The following CNOT4 variants were observed in gnomAD, a reference collection of about 807,000 sequenced individuals.
CNOT4 encodes the protein CCR4-NOT transcription complex subunit 4.
A neutral mutation model predicts 73.8 loss-of-function variants in CNOT4; 8 were observed. That is an observed-to-expected ratio of 0.11 (90% CI 0.06 to 0.20). The LOEUF is 0.20. Ranked by LOEUF, CNOT4 falls within the 10% of genes least tolerant of loss-of-function variation. The pLI is 1.00. For synonymous variants in CNOT4, 293 were observed against 321.1 expected, an observed-to-expected ratio of 0.91 and a Z score of 0.94; for missense variants, 564 against 883.4, an observed-to-expected ratio of 0.64 and a Z score of 4.58.
chr7:135,377,389 CTG>C (rs1795580600), intron 10 of CNOT4, among the ~76,000 whole-genome samples: 1 of 152,194 alleles, frequency 6.6e-6, no homozygotes, highest in Admixed American at 6.5e-5. Context: ...ATGGAGAACA[CTG>C]TGCATGTGAT....
At chr7:135,473,394 A>G (rs982590859) in intron 1 of CNOT4, among the ~76,000 whole-genome samples, 2 of 152,212 alleles carry the variant, frequency 1.3e-5, no homozygotes, top group African/African-American at 4.8e-5. Flanking sequence ...ACTAATAAAC[A>G]TGACAGTTTT....
At chr7:135,505,698 AATT>A (rs1425184467) in intron 1 of CNOT4, among the ~76,000 whole-genome samples, 1 of 152,180 alleles carries the variant, frequency 6.6e-6, no homozygotes, top group African/African-American at 2.4e-5. Flanking sequence ...AGTAGCTTAT[AATT>A]TCTCTTTTCT....
At chr7:135,457,351 G>A (rs1472488417) in intron 1 of CNOT4, among the ~76,000 whole-genome samples, 1 of 151,860 alleles carries the variant, frequency 6.6e-6, no homozygotes, top group African/African-American at 2.4e-5. Flanking sequence ...TGTTATTTGA[G>A]GTTTAATTTT....
At chr7:135,469,168 T>C (rs77421812) in intron 1 of CNOT4, among the ~76,000 whole-genome samples, 3,376 of 152,120 alleles carry the variant, frequency 0.022, 121 homozygotes, top group African/African-American at 0.07. Flanking sequence ...CCAAGAACAT[T>C]TGTTTATTCA....
At chr7:135,409,580 T>C (rs749089761) in intron 7 of CNOT4, among the ~76,000 whole-genome samples, 2 of 152,128 alleles carry the variant, frequency 1.3e-5, no homozygotes, top group Non-Finnish European at 2.9e-5. Flanking sequence ...TTATTAGCTA[T>C]GTTTGAAAAT....
chr7:135,417,409 T>C (rs1206445485), intron 3 of CNOT4, among the ~76,000 whole-genome samples: 1 of 152,234 alleles, frequency 6.6e-6, no homozygotes, highest in Non-Finnish European at 1.5e-5. Flanking sequence ...TTATATATAC[T>C]TTTTCAAATT....
Position 135,394,204 on chromosome 7 carries a change from T to C in CNOT4, c.1341A>G (p.Lys447=). ...QNSSSHTTTA[K]GPGSGFLHPA... is the part of the protein sequence containing the mutation. ...GATGCAGGAATCCAGAGCCTGGACC[T>C]TTGGCGGTTGTAGTGTGTGAAGAGG... Residue 447 remains lysine (K), a synonymous_variant, in exon 10 of 12, where the codon AAA becomes AAG. Coordinates refer to ENST00000541284, the MANE Select transcript of CNOT4 (RefSeq NM_001190850.2). The C allele has an allele frequency of 6.2e-7, 1 of 1,614,162 alleles. No individual in the cohort carries two copies. Among genetic ancestry groups the C allele is most frequent in the South Asian group, 1.1e-5 (1 of 91,072 alleles).
At chr7:135,472,987 G>A (rs948077812) in intron 1 of CNOT4, among the ~76,000 whole-genome samples, 4 of 151,696 alleles carry the variant, frequency 2.6e-5, no homozygotes, top group East Asian at 3.9e-4. Context: ...GGTGCAGTGC[G>A]TTATGATCAT....
intron 1 of CNOT4, among the ~76,000 whole-genome samples, chr7:135,488,384 T>C (rs959818562): frequency 2.0e-5 from 3 of 152,206 alleles, no homozygotes; most frequent in Non-Finnish European, 2.9e-5. Flanking sequence ...AGCTAAATTC[T>C]ATATTTTTAG....
chr7:135,404,276 A>C (rs962356869), intron 7 of CNOT4, among the ~76,000 whole-genome samples: 12 of 151,440 alleles, frequency 7.9e-5, no homozygotes, highest in Middle Eastern at 6.8e-3. Flanking sequence ...AGCAAACTTT[A>C]ACTCACTCAC....
rs111932579 is a variant in CNOT4, at chr7:135,497,745, A to G, written c.-93+12144T>C. On this transcript the variant is annotated intron_variant, in intron 1 of 11. Transcript: ENST00000541284. Reference sequence around the variant, plus strand: ...GATAATCATTTTCTATTGTATCCATACAGGTTCATTTTCCATTACTCTCTG... The same window carrying G: ...GATAATCATTTTCTATTGTATCCATGCAGGTTCATTTTCCATTACTCTCTG... Among the ~76,000 whole-genome samples the G allele has an allele frequency of 2.6e-5, 4 of 152,292 alleles. 1 individual carries two copies. The highest frequency in any genetic ancestry group is 9.6e-5 in the African/African-American group (4 of 41,556).
intron 3 of CNOT4, among the ~76,000 whole-genome samples, chr7:135,419,312 G>C (rs2129484399): frequency 6.6e-6 from 1 of 152,248 alleles, no homozygotes. Flanking sequence ...CCAAAGATAA[G>C]TAAATTACAA....
intron 1 of CNOT4, among the ~76,000 whole-genome samples, chr7:135,457,452 G>A (rs964738728): frequency 1.3e-5 from 2 of 151,962 alleles, no homozygotes; most frequent in South Asian, 2.1e-4. Flanking sequence ...ACAGTATCTC[G>A]CATTGTAAGG....
intron 1 of CNOT4, among the ~76,000 whole-genome samples, chr7:135,440,703 C>T (rs1370555513): frequency 1.3e-5 from 2 of 152,088 alleles, no homozygotes; most frequent in Admixed American, 1.3e-4. Flanking sequence ...AGGTGAATCA[C>T]GAGGTCAAGA....
rs755436530 is a variant in CNOT4, at chr7:135,363,590, C to T, written c.1840+264G>A. On this transcript the variant is annotated intron_variant, in intron 11 of 11. Transcript: ENST00000541284. The surrounding 1 kb of genome is among the most constrained non-coding windows in gnomAD (Gnocchi z 4.3). ...AGTCAGATCCTTTTGTACTTTGAGG[C>T]CTACAAAATACACATGTTGCCAGAT... Among the ~76,000 whole-genome samples the T allele has an allele frequency of 6.6e-6, 1 of 152,114 alleles. No individual in the cohort carries two copies. The highest frequency in any genetic ancestry group is 1.5e-5 in the Non-Finnish European group (1 of 68,020).
intron 3 of CNOT4, among the ~76,000 whole-genome samples, chr7:135,415,757 C>T (rs937601519): frequency 6.6e-6 from 1 of 152,144 alleles, no homozygotes; most frequent in Non-Finnish European, 1.5e-5. Flanking sequence ...TCACAAATTT[C>T]AAGTAACAGA....
chr7:135,437,220 C>T (rs1014919283), intron 2 of CNOT4, among the ~76,000 whole-genome samples: 1 of 151,242 alleles, frequency 6.6e-6, no homozygotes, highest in East Asian at 2.0e-4. Flanking sequence ...GACGGAGTCT[C>T]GCTCTGTTGC....
chr7:135,474,837 C>G (rs1426958611), intron 1 of CNOT4, among the ~76,000 whole-genome samples: 2 of 152,046 alleles, frequency 1.3e-5, no homozygotes, highest in African/African-American at 4.8e-5. Context: ...TGCTTATACA[C>G]TGCTGATGAC....
At chr7:135,472,001 T>C (rs530981787) in intron 1 of CNOT4, among the ~76,000 whole-genome samples, 1 of 152,066 alleles carries the variant, frequency 6.6e-6, no homozygotes, top group African/African-American at 2.4e-5. Flanking sequence ...GGTGAAACCC[T>C]GTCTCTACTA....
Sources: allele counts gnomAD v4.1 joint callset (sites outside exome capture counted in the v4.1 genomes callset), GRCh38; gene constraint gnomAD v4.1.1; non-coding constraint Gnocchi (gnomAD v3.1); transcripts MANE v1.5; gene names NCBI Gene and HGNC (gene_info 2026-07-23, HGNC 2026-07-21).